EGLN1: variants seen among roughly 807,000 people sequenced by gnomAD.
EGLN1 encodes egl-9 family hypoxia inducible factor 1.
In EGLN1, 17 loss-of-function variants were observed where a neutral mutation model predicts 38.3. That is an observed-to-expected ratio of 0.44 (90% CI 0.30 to 0.67). The LOEUF (loss-of-function observed/expected upper bound fraction) is 0.67. Among genes scored for constraint, EGLN1 ranks in the 30% least tolerant of loss-of-function variants. The pLI, the probability that EGLN1 is intolerant of heterozygous loss-of-function variation, is 0.08. For missense variants in EGLN1, 477 were observed against 603.3 expected, an observed-to-expected ratio of 0.79 and a Z score of 2.19; for synonymous variants, 283 against 257.5, an observed-to-expected ratio of 1.10 and a Z score of -0.95.
intron 1 of EGLN1, among the ~76,000 whole-genome samples, chr1:231,406,309 C>G (rs1226023281): frequency 2.0e-5 from 3 of 152,110 alleles, no homozygotes; most frequent in Middle Eastern, 6.8e-3. Context: ...GAATCATAAG[C>G]CAGTGTTAAT....
intron 1 of EGLN1, among the ~76,000 whole-genome samples, chr1:231,417,671 T>C (rs1689120152): frequency 1.3e-5 from 2 of 152,158 alleles, no homozygotes; most frequent in South Asian, 2.1e-4. Flanking sequence ...AGGAGCTTGG[T>C]TGTATCAGTG....
At chr1:231,395,945 A>C (rs992886966) in intron 1 of EGLN1, among the ~76,000 whole-genome samples, 3 of 148,818 alleles carry the variant, frequency 2.0e-5, no homozygotes, top group African/African-American at 7.4e-5. Context: ...CTCACATACC[A>C]CTCACACCCA....
chr1:231,373,907 A>C, intron 2 of EGLN1, 73 bp downstream of exon 2: 1 of 1,545,744 alleles, frequency 6.5e-7, no homozygotes, highest in Admixed American at 1.7e-5. Flanking sequence ...GTCTTATCAG[A>C]AGTATGAAAC....
At chr1:231,396,535 A>G (rs1688535661) in intron 1 of EGLN1, among the ~76,000 whole-genome samples, 2 of 152,118 alleles carry the variant, frequency 1.3e-5, no homozygotes, top group Non-Finnish European at 2.9e-5. Flanking sequence ...TACAGGTGTG[A>G]GCCACCGAGC....
chr1:231,370,925 T>C (rs1033994128), intron 2 of EGLN1, among the ~76,000 whole-genome samples: 1 of 152,232 alleles, frequency 6.6e-6, no homozygotes, highest in African/African-American at 2.4e-5. Context: ...GGAGTCTCGC[T>C]GTCACCCAGG....
At chr1:231,384,983 G>A (rs547817513) in intron 1 of EGLN1, among the ~76,000 whole-genome samples, 43 of 152,170 alleles carry the variant, frequency 2.8e-4, no homozygotes, top group Non-Finnish European at 4.4e-4. Flanking sequence ...AGAGTGGAAG[G>A]CAGAAGAGTA....
At chr1:231,367,471 C>T in intron 4 of EGLN1, 98 bp downstream of exon 4, 1 of 1,182,720 alleles carries the variant, frequency 8.5e-7, no homozygotes. Context: ...AGTAAGTATT[C>T]ATGGTGTTAA....
At chr1:231,387,863 A>G (rs1279136268) in intron 1 of EGLN1, among the ~76,000 whole-genome samples, 1 of 152,158 alleles carries the variant, frequency 6.6e-6, no homozygotes, top group Non-Finnish European at 1.5e-5. Context: ...CAGAACATCC[A>G]TCTATACCAC....
At chr1:231,397,855 A>G (rs1370534616) in intron 1 of EGLN1, among the ~76,000 whole-genome samples, 1 of 152,210 alleles carries the variant, frequency 6.6e-6, no homozygotes, top group Non-Finnish European at 1.5e-5. Flanking sequence ...TTCCTTCATC[A>G]GTCAGTGAAA....
At chr1:231,373,006 T>G (rs1360830989) in intron 2 of EGLN1, among the ~76,000 whole-genome samples, 2 of 152,180 alleles carry the variant, frequency 1.3e-5, no homozygotes, top group Non-Finnish European at 2.9e-5. Context: ...AATGTTATAC[T>G]TAAGATTTTA....
At chr1:231,387,557 C>T (rs1395656477) in intron 1 of EGLN1, among the ~76,000 whole-genome samples, 3 of 151,864 alleles carry the variant, frequency 2.0e-5, no homozygotes, top group East Asian at 1.9e-4. Context: ...GACGGGGTTT[C>T]GCCGTGTTAG....
chr1:231,380,354 C>G (rs1365857400), intron 1 of EGLN1, among the ~76,000 whole-genome samples: 1 of 148,882 alleles, frequency 6.7e-6, no homozygotes, highest in African/African-American at 2.4e-5. Context: ...ACTCCTTAAG[C>G]CTTGCTGCTT....
chr1:231,381,232 GGTT>G (rs1688071746), intron 1 of EGLN1, among the ~76,000 whole-genome samples: 1 of 152,012 alleles, frequency 6.6e-6, no homozygotes, highest in African/African-American at 2.4e-5. Flanking sequence ...AGAGCTCTTT[GGTT>G]GTTAACCGCT....
At chr1:231,386,781 TAATAC>T (rs1384156773) in intron 1 of EGLN1, among the ~76,000 whole-genome samples, 2 of 152,226 alleles carry the variant, frequency 1.3e-5, no homozygotes, top group African/African-American at 4.8e-5. Context: ...TAAACATCTT[TAATAC>T]AATTTTAAAA....
rs142565163 is a variant in EGLN1, at chr1:231,408,787, G to A, written c.891+12211C>T. ...ATGGGAAGTGCCAGAGGAACAGACA[G>A]GACAAAGTTGTAGCTCTGCTTAGAG... On this transcript the variant is annotated intron_variant, in intron 1 of 4. Transcript: ENST00000366641. 4.1e-3 allele frequency among the ~76,000 whole-genome samples: 619 copies of A among 152,168 alleles called. 6 individuals carry two copies. Among genetic ancestry groups the A allele is most frequent in the African/African-American group, 0.014 (587 of 41,540 alleles).
chr1:231,413,936 T>C (rs997055875), intron 1 of EGLN1, among the ~76,000 whole-genome samples: 17 of 152,182 alleles, frequency 1.1e-4, no homozygotes, highest in Non-Finnish European at 2.2e-4. Context: ...GAAATGAAAC[T>C]AATTCTGAAT....
chr1:231,421,795 G>A lies in EGLN1; in HGVS notation c.94C>T (p.Arg32Cys), dbSNP rs1656630773. ...ELCGKMENLL[R>C]CSRCRSSFYC... ...AAGGAGCTGCGGCAGCGGCTGCAGC[G>A]CAGCAGGTTCTCCATCTTCCCGCAC... Residue 32 changes from arginine to cysteine, a missense_variant, in exon 1 of 5, where the codon CGC becomes TGC. Arg to Cys is a radical substitution (Grantham distance 180). Around this residue, in one of 4 missense-constraint regions of EGLN1, gnomAD observed 298 missense variants for 288.9 expected, o/e 1.03. Transcript: ENST00000366641. The surrounding 1 kb of genome is among the most constrained non-coding windows in gnomAD (Gnocchi z 5.5). 1 of 1,559,390 alleles carries A rather than the reference G, an allele frequency of 6.4e-7. No individual in the cohort carries two copies. The highest frequency in any genetic ancestry group is 2.4e-5 in the East Asian group (1 of 40,972).
chr1:231,407,996 G>A (rs479311), intron 1 of EGLN1, among the ~76,000 whole-genome samples: 22,676 of 152,098 alleles, frequency 0.15, 2,070 homozygotes, highest in African/African-American at 0.24. Context: ...GCTGAGGGCA[G>A]TTCACTGAGT....
chr1:231,383,823 A>G (rs1354077156), intron 1 of EGLN1, among the ~76,000 whole-genome samples: 1 of 152,028 alleles, frequency 6.6e-6, no homozygotes, highest in Non-Finnish European at 1.5e-5. Context: ...TCTGCTTGAA[A>G]TTATGACTTA....
Sources: gnomAD v4.1 joint callset for allele counts (sites outside exome capture counted in the v4.1 genomes callset) on GRCh38, gnomAD v4.1.1 for gene constraint, gnomAD v4.1.1 regional missense constraint, Gnocchi (gnomAD v3.1) non-coding constraint, MANE v1.5 for transcripts, NCBI Gene and HGNC (gene_info 2026-07-23, HGNC 2026-07-21) for gene names.